Variants in NCALD observed in about 807,000 individuals in gnomAD.
The protein encoded by NCALD is neurocalcin delta, also known as neurocalcin-delta.
NCALD carries 10 observed loss-of-function variants against 18.6 expected under a neutral mutation model. The observed-to-expected ratio is 0.54, with a 90% CI of 0.33 to 0.91. NCALD has a LOEUF of 0.91. Among genes scored for constraint, NCALD ranks in the 40% least tolerant of loss-of-function variants. The pLI, the probability that NCALD is intolerant of heterozygous loss-of-function variation, is 0.03. For missense variants in NCALD, 184 were observed against 247.6 expected (o/e 0.74, Z 1.72); for synonymous variants, 88 against 87.4 (o/e 1.01, Z -0.04).
intron 1 of NCALD, among the ~76,000 whole-genome samples, chr8:102,069,470 G>A (rs1284895252): frequency 1.3e-5 from 2 of 152,142 alleles, no homozygotes; most frequent in African/African-American, 4.8e-5. Flanking sequence ...GGAATGTTTT[G>A]CAATATGAAT....
rs112614628 is a variant in NCALD at position 101,936,721 on chromosome 8, C to T, written c.-156-20863G>A. Among the ~76,000 whole-genome samples the T allele has an allele frequency of 7.9e-3, 1,195 of 152,194 alleles. 12 individuals carry two copies. Among genetic ancestry groups the T allele is most frequent in the African/African-American group, 0.023 (967 of 41,524 alleles). On this transcript the variant is annotated intron_variant, in intron 2 of 6. Coordinates refer to the NCALD transcript ENST00000311028. ...TTGCTTGTTTGTTTGTTTACCAGTG[C>T]TCTGGGAGATTCTAATATGCAGCCA...
At chr8:101,843,441 T>C (rs1456286807) in intron 4 of NCALD, among the ~76,000 whole-genome samples, 2 of 151,958 alleles carry the variant, frequency 1.3e-5, no homozygotes, top group Admixed American at 1.3e-4. Flanking sequence ...CATGTACATG[T>C]GCATGCACAC....
intron 1 of NCALD, among the ~76,000 whole-genome samples, chr8:102,075,524 ATTT>A (rs1482934071): frequency 6.6e-6 from 1 of 152,228 alleles, no homozygotes; most frequent in African/African-American, 2.4e-5. Flanking sequence ...CTGGATAATT[ATTT>A]ATTGCATCTC....
chr8:102,019,344 C>T (rs540463055), intron 2 of NCALD, among the ~76,000 whole-genome samples: 1 of 152,178 alleles, frequency 6.6e-6, no homozygotes, highest in South Asian at 2.1e-4. Context: ...AATTGATACA[C>T]CATTTTTGAA....
chr8:102,072,525 G>A (rs1352923926), intron 1 of NCALD, among the ~76,000 whole-genome samples: 1 of 152,150 alleles, frequency 6.6e-6, no homozygotes, highest in Non-Finnish European at 1.5e-5. Flanking sequence ...AACAGAGTTT[G>A]TGAAGGGCAG....
chr8:101,843,582 G>GTTTTTTTTGTTT (rs1173372117), intron 4 of NCALD, among the ~76,000 whole-genome samples: 3 of 125,140 alleles, frequency 2.4e-5, no homozygotes, highest in African/African-American at 9.8e-5. Flanking sequence ...TTTAAAAATT[G>GTTTTTTTTGTTT]TTTTTTTTTT....
intron 4 of NCALD, among the ~76,000 whole-genome samples, chr8:101,827,215 T>C (rs942774540): frequency 2.6e-5 from 4 of 152,214 alleles, no homozygotes; most frequent in African/African-American, 9.6e-5. Context: ...TGTCACATTG[T>C]CTTTTCCTCT....
intron 2 of NCALD, among the ~76,000 whole-genome samples, chr8:101,930,464 A>T (rs191357103): frequency 6.6e-6 from 1 of 152,180 alleles, no homozygotes; most frequent in East Asian, 2.0e-4. Context: ...AAATGTGGCT[A>T]TGTGAGCTCA....
intron 4 of NCALD, chr8:101,887,016 C>A (rs563412973): frequency 9.9e-5 from 15 of 152,254 alleles, no homozygotes; most frequent in African/African-American, 3.6e-4. Flanking sequence ...CATGACAAAG[C>A]TTATTTTTCT....
chr8:101,917,104 C>T (rs1455690464), intron 2 of NCALD, among the ~76,000 whole-genome samples: 1 of 152,026 alleles, frequency 6.6e-6, no homozygotes, highest in African/African-American at 2.4e-5. Context: ...AACTGTAAAG[C>T]AAGTCTCAAT....
intron 2 of NCALD, among the ~76,000 whole-genome samples, chr8:101,994,208 A>G (rs1311332803): frequency 6.6e-6 from 1 of 152,202 alleles, no homozygotes. Flanking sequence ...AAGAGTGACC[A>G]TTCAGAGCCA....
rs113329914 is a variant in NCALD at position 102,094,962 on chromosome 8, G to A, written c.-210+29275C>T. On this transcript the variant is annotated intron_variant, in intron 1 of 6. Coordinates refer to the NCALD transcript ENST00000311028. ...GGGAACAGGGCCCAGCTGGCATCTT[G>A]ATTGCAGGCTTCTAACCTCCAGAGA... Among the ~76,000 whole-genome samples, 971 of 152,324 alleles carry A rather than the reference G, an allele frequency of 6.4e-3. 7 individuals are homozygous for A. The highest frequency in any genetic ancestry group is 0.022 in the African/African-American group (906 of 41,578).
chr8:101,840,131 A>G (rs752809644), intron 4 of NCALD, among the ~76,000 whole-genome samples: 1 of 151,344 alleles, frequency 6.6e-6, no homozygotes, highest in South Asian at 2.1e-4. Context: ...AAAAAAAAAC[A>G]CAGCTGAAGA....
rs138008952 is a variant in NCALD at position 102,010,327 on chromosome 8, C to T, written c.-157+9910G>A. On this transcript the variant is annotated intron_variant, in intron 2 of 6. Transcript: ENST00000311028. Reference sequence around the variant, plus strand: ...TGGTAAATTCCTTTACTGCCCTTGCCACTGACCCCAAATAGTTGCTACCCC... The same window carrying T: ...TGGTAAATTCCTTTACTGCCCTTGCTACTGACCCCAAATAGTTGCTACCCC... Among the ~76,000 whole-genome samples, 1,020 of 152,336 alleles carry T rather than the reference C, an allele frequency of 6.7e-3. 7 individuals carry two copies. The highest frequency in any genetic ancestry group is 0.029 in the South Asian group (140 of 4,822).
At chr8:101,777,554 T>A (rs148345786) in intron 1 of NCALD, among the ~76,000 whole-genome samples, 3 of 152,138 alleles carry the variant, frequency 2.0e-5, no homozygotes, top group Non-Finnish European at 2.9e-5. Flanking sequence ...ATATTGATCA[T>A]ATGGTCAATC....
rs62519291 is a variant in NCALD at position 101,740,325 on chromosome 8, A to G, written c.-19-20677T>C. Among the ~76,000 whole-genome samples, 376 of 152,374 alleles carry G rather than the reference A, an allele frequency of 2.5e-3. 2 individuals carry two copies. The highest frequency in any genetic ancestry group is 8.9e-3 in the South Asian group (43 of 4,830). ...TTGCATGAGTCCATAGGACTTTCAC[A>G]TACACTATTTCAGCAGATCCTTGAA... On this transcript the variant is annotated intron_variant, in intron 1 of 3. Coordinates refer to ENST00000220931, the MANE Select transcript of NCALD (RefSeq NM_032041.3).
At chr8:101,728,862 A>G (rs1007134624) in intron 1 of NCALD, among the ~76,000 whole-genome samples, 2 of 152,188 alleles carry the variant, frequency 1.3e-5, no homozygotes, top group Non-Finnish European at 2.9e-5. Context: ...GCACGCAAAA[A>G]AAGTTTGCCT....
intron 4 of NCALD, among the ~76,000 whole-genome samples, chr8:101,831,574 C>A (rs1186993651): frequency 6.6e-6 from 1 of 152,172 alleles, no homozygotes; most frequent in African/African-American, 2.4e-5. Context: ...AAACTGGGAT[C>A]ATGAGACAGA....
chr8:102,084,695 C>T (rs1824676884), intron 1 of NCALD, among the ~76,000 whole-genome samples: 1 of 152,176 alleles, frequency 6.6e-6, no homozygotes, highest in African/African-American at 2.4e-5. Flanking sequence ...GGTCATATAC[C>T]AGATAAACTC....
Sources: allele counts gnomAD v4.1 joint callset (sites outside exome capture counted in the v4.1 genomes callset), GRCh38; gene constraint gnomAD v4.1.1; transcripts MANE v1.5; gene names NCBI Gene and HGNC (gene_info 2026-07-23, HGNC 2026-07-21).